The following CYRIB variants were observed in gnomAD, a reference collection of about 807,000 sequenced individuals.
The protein encoded by CYRIB is CYFIP-related Rac1 interactor B.
CYRIB carries 8 observed loss-of-function variants against 44.2 expected under a neutral mutation model. The ratio of observed to expected loss-of-function variants is 0.18; its 90% confidence interval spans 0.11 to 0.33. The LOEUF (loss-of-function observed/expected upper bound fraction) is 0.33. CYRIB is among the 10% of genes least tolerant of loss of function. CYRIB has a pLI of 1.00. For synonymous variants in CYRIB, 131 were observed against 127.2 expected (o/e 1.03, Z -0.20); for missense variants, 185 against 382.8 (o/e 0.48, Z 4.31).
chr8:129,950,244 A>G (rs1216634201), intron 2 of CYRIB, among the ~76,000 whole-genome samples: 1 of 152,170 alleles, frequency 6.6e-6, no homozygotes, highest in Non-Finnish European at 1.5e-5. Context: ...GGTCAGCCTT[A>G]AGTTTTAATC....
At chr8:129,969,616 A>G (rs1288686318) in intron 2 of CYRIB, among the ~76,000 whole-genome samples, 6 of 152,226 alleles carry the variant, frequency 3.9e-5, no homozygotes, top group African/African-American at 1.4e-4. Flanking sequence ...CTCAGGTTGG[A>G]GACAAACAAA....
chr8:129,847,603 T>G (rs1486728159), intron 10 of CYRIB, among the ~76,000 whole-genome samples: 1 of 151,968 alleles, frequency 6.6e-6, no homozygotes, highest in Non-Finnish European at 1.5e-5. Context: ...GCACCTGGAG[T>G]TATGAGAGGC....
intron 2 of CYRIB, among the ~76,000 whole-genome samples, chr8:129,963,105 C>A (rs1033413252): frequency 6.6e-6 from 1 of 152,178 alleles, no homozygotes; most frequent in Non-Finnish European, 1.5e-5. Flanking sequence ...GGAACAGTGG[C>A]CTTTTTTTAC....
intron 2 of CYRIB, among the ~76,000 whole-genome samples, chr8:129,959,918 A>T (rs1006358495): frequency 6.6e-6 from 1 of 152,180 alleles, no homozygotes; most frequent in Non-Finnish European, 1.5e-5. Flanking sequence ...CTTTTCTCTC[A>T]CGACTATGAA....
intron 2 of CYRIB, among the ~76,000 whole-genome samples, chr8:129,964,711 C>T (rs993187023): frequency 6.6e-6 from 1 of 152,050 alleles, no homozygotes. Context: ...TAGGGAGGCC[C>T]CTGTCTCTAC....
At chr8:129,934,941 T>C (rs769586139) in intron 1 of CYRIB, among the ~76,000 whole-genome samples, 5 of 152,234 alleles carry the variant, frequency 3.3e-5, no homozygotes, top group Non-Finnish European at 7.3e-5. Context: ...CACTTACGCA[T>C]AGACATATAG....
At chr8:129,898,389 A>T (rs1363565342) in intron 2 of CYRIB, among the ~76,000 whole-genome samples, 1 of 152,216 alleles carries the variant, frequency 6.6e-6, no homozygotes, top group Non-Finnish European at 1.5e-5. Context: ...TTTTTAAGAA[A>T]AGCAGTAAGT....
chr8:129,876,396 G>A (rs1326399870), intron 3 of CYRIB, among the ~76,000 whole-genome samples: 1 of 152,040 alleles, frequency 6.6e-6, no homozygotes, highest in Non-Finnish European at 1.5e-5. Flanking sequence ...AAAATTATGA[G>A]CTTTCGTGTC....
intron 1 of CYRIB, among the ~76,000 whole-genome samples, chr8:129,990,973 A>G (rs796962133): frequency 7.2e-5 from 11 of 152,184 alleles, no homozygotes; most frequent in African/African-American, 2.6e-4. Flanking sequence ...TCTACTAAAA[A>G]GACAAAAAAT....
intron 3 of CYRIB, among the ~76,000 whole-genome samples, chr8:129,878,420 G>A (rs2059858737): frequency 6.6e-6 from 1 of 152,082 alleles, no homozygotes; most frequent in South Asian, 2.1e-4. Context: ...GTGACTTTCT[G>A]GGGTTTAAGT....
At chr8:129,879,670 G>T in intron 2 of CYRIB, 199 bp from the exon 5 acceptor site, 1 of 511,796 alleles carries the variant, frequency 2.0e-6, no homozygotes, top group Non-Finnish European at 3.4e-6. Flanking sequence ...GTGAAATGTG[G>T]TTTTCCTGTA....
chr8:129,995,406 G>A (rs2133579684), intron 1 of CYRIB, among the ~76,000 whole-genome samples: 1 of 152,196 alleles, frequency 6.6e-6, no homozygotes, highest in Non-Finnish European at 1.5e-5. Context: ...GTAGCAAAAG[G>A]TCATTTCCAG....
intron 10 of CYRIB, among the ~76,000 whole-genome samples, chr8:129,847,763 G>A (rs1318644720): frequency 6.6e-6 from 1 of 152,116 alleles, no homozygotes; most frequent in Non-Finnish European, 1.5e-5. Context: ...AAGAACACAG[G>A]CTTTGGAAGC....
chr8:129,940,956 T>C (rs954153826), upstream of CYRIB, among the ~76,000 whole-genome samples: 2 of 152,174 alleles, frequency 1.3e-5, no homozygotes, highest in African/African-American at 4.8e-5. Context: ...GAGCTAAGGT[T>C]CCGGTAACTA....
intron 1 of CYRIB, among the ~76,000 whole-genome samples, chr8:129,971,214 A>G (rs1337665375): frequency 6.6e-6 from 1 of 152,166 alleles, no homozygotes. Context: ...ATCTCGGCTC[A>G]CTGCAACCTC....
intron 1 of CYRIB, among the ~76,000 whole-genome samples, chr8:129,933,601 T>C (rs563126257): frequency 7.9e-5 from 12 of 152,188 alleles, no homozygotes; most frequent in Non-Finnish European, 1.6e-4. Context: ...ATAAGCCGGG[T>C]GCGGTGGCTC....
intron 2 of CYRIB, among the ~76,000 whole-genome samples, chr8:129,881,052 A>G (rs1274184001): frequency 1.3e-5 from 2 of 152,234 alleles, no homozygotes; most frequent in Non-Finnish European, 2.9e-5. Flanking sequence ...TCAACTATAC[A>G]CAACTATACC....
upstream of CYRIB, among the ~76,000 whole-genome samples, chr8:129,941,809 T>G (rs941355032): frequency 6.6e-6 from 1 of 152,232 alleles, no homozygotes; most frequent in African/African-American, 2.4e-5. Context: ...AAATCTTTCA[T>G]ATTATCTTCA....
chr8:129,946,955 C>A lies in CYRIB; in HGVS notation c.-243+23988G>T, dbSNP rs977002982. ...ATCACCCTTCCAAAGGTGAACCCCC[C>A]ATCACCCTTCCAAAGGTGAACCCCA... On this transcript the variant is annotated intron_variant, in intron 2 of 14. Transcript: ENST00000401979. Among the ~76,000 whole-genome samples, 8 of 152,208 alleles carry A rather than the reference C, an allele frequency of 5.3e-5. No homozygotes were observed. In the South Asian group the frequency reaches 6.2e-4, roughly 12 times the overall value.
Sources: allele counts gnomAD v4.1 joint callset (sites outside exome capture counted in the v4.1 genomes callset), GRCh38; gene constraint gnomAD v4.1.1; transcripts MANE v1.5; gene names NCBI Gene and HGNC (gene_info 2026-07-23, HGNC 2026-07-21).